The following STK3 variants were observed in gnomAD, a reference collection of about 807,000 sequenced individuals.
STK3 encodes serine/threonine-protein kinase 3.
Under a neutral mutation model 58.0 loss-of-function variants are expected in STK3, and 41 were observed. The observed-to-expected ratio is 0.71, with a 90% CI of 0.55 to 0.92. The LOEUF (loss-of-function observed/expected upper bound fraction) is 0.92, where lower values mean the gene tolerates loss of function less well. Among genes scored for constraint, STK3 ranks in the 40% least tolerant of loss-of-function variants. The pLI is 0.00. For missense variants in STK3, 479 were observed against 602.7 expected, an observed-to-expected ratio of 0.79 and a Z score of 2.15; for synonymous variants, 170 against 191.0, an observed-to-expected ratio of 0.89 and a Z score of 0.91.
intron 6 of STK3, among the ~76,000 whole-genome samples, chr8:98,652,356 G>A (rs74493055): frequency 0.032 from 4,837 of 152,154 alleles, 100 homozygotes; most frequent in South Asian, 0.061. Context: ...AGGAACAACC[G>A]GTACCAGCCA....
At chr8:98,447,979 A>C (rs973927565) in intron 1 of STK3, among the ~76,000 whole-genome samples, 2 of 148,192 alleles carry the variant, frequency 1.3e-5, no homozygotes, top group South Asian at 4.3e-4. Context: ...TAATAATAAT[A>C]ATAATAAAGC....
At chr8:98,721,426 A>G (rs1006625001) in intron 4 of STK3, among the ~76,000 whole-genome samples, 2 of 152,166 alleles carry the variant, frequency 1.3e-5, no homozygotes, top group African/African-American at 2.4e-5. Flanking sequence ...GCTACCCAGC[A>G]GACTGAGGTG....
intron 8 of STK3, among the ~76,000 whole-genome samples, chr8:98,571,961 T>A (rs1471587626): frequency 6.6e-6 from 1 of 152,216 alleles, no homozygotes; most frequent in Non-Finnish European, 1.5e-5. Flanking sequence ...AGCATGTCAA[T>A]GCTACATTCT....
the STK3 span, among the ~76,000 whole-genome samples, chr8:98,359,257 C>A: frequency 2.0e-5 from 3 of 148,212 alleles, no homozygotes; most frequent in Non-Finnish European, 3.0e-5. Flanking sequence ...CCTGTAATCC[C>A]AACATTTTCG....
the STK3 span, among the ~76,000 whole-genome samples, chr8:98,347,149 G>C: frequency 3.3e-5 from 5 of 151,794 alleles, no homozygotes; most frequent in Admixed American, 2.6e-4. Context: ...CCCTATAGCA[G>C]CCACTAAATA....
chr8:98,603,846 C>A (rs1816560290), intron 6 of STK3, among the ~76,000 whole-genome samples: 1 of 152,030 alleles, frequency 6.6e-6, no homozygotes, highest in Admixed American at 6.5e-5. Flanking sequence ...ATGAATAATG[C>A]CCCCACCCCG....
chr8:98,417,879 T>G (rs1818132035), intron 3 of STK3, among the ~76,000 whole-genome samples: 1 of 152,188 alleles, frequency 6.6e-6, no homozygotes, highest in Admixed American at 6.5e-5. Flanking sequence ...CGCCTCGCTG[T>G]TCAAGTAGTG....
chr8:98,871,559 G>A (rs534164467), intron 3 of STK3, among the ~76,000 whole-genome samples: 23 of 152,168 alleles, frequency 1.5e-4, no homozygotes, highest in Middle Eastern at 3.4e-3. Context: ...GGTCCTTCAT[G>A]TCCCTTGTAA....
At chr8:98,619,794 A>G (rs1304848475) in intron 6 of STK3, among the ~76,000 whole-genome samples, 4 of 141,024 alleles carry the variant, frequency 2.8e-5, no homozygotes, top group Admixed American at 7.1e-5. Flanking sequence ...TAGAATGGCA[A>G]TCATTAAAAA....
chr8:98,573,114 C>T (rs1813095257), intron 8 of STK3, among the ~76,000 whole-genome samples: 1 of 152,030 alleles, frequency 6.6e-6, no homozygotes, highest in African/African-American at 2.4e-5. Context: ...CCTGAAGAGT[C>T]ATTAAAAAAC....
chr8:98,712,705 G>T (rs1826589133), intron 4 of STK3, among the ~76,000 whole-genome samples: 1 of 152,020 alleles, frequency 6.6e-6, no homozygotes, highest in South Asian at 2.1e-4. Context: ...ACACCCCACT[G>T]TCAACATTAG....
At chr8:98,452,989 G>C (rs1193388187), downstream of STK3, among the ~76,000 whole-genome samples, 2 of 112,406 alleles carry the variant, frequency 1.8e-5, no homozygotes, top group Non-Finnish European at 3.7e-5. Context: ...TTGAACTCTT[G>C]ACCTCAAGTG....
intron 1 of STK3, among the ~76,000 whole-genome samples, chr8:98,387,863 G>T (rs1817808215): frequency 6.9e-6 from 1 of 145,380 alleles, no homozygotes; most frequent in Non-Finnish European, 1.5e-5. Context: ...AGAGCTCTTT[G>T]TAAAATGCCC....
At chr8:98,658,658 A>G (rs866354976) in intron 6 of STK3, among the ~76,000 whole-genome samples, 2 of 151,776 alleles carry the variant, frequency 1.3e-5, no homozygotes, top group South Asian at 2.1e-4. Flanking sequence ...ATCACCCCCT[A>G]TTGAACTGCT....
At position 98,670,275 on chromosome 8, in the gene STK3, G is replaced by A. The variant is rs576714064; in HGVS notation, c.684+36192C>T. Reference sequence around the variant, plus strand: ...TACCAGCTACTCCAGAGGCTGAGGCGAGCAGGTGCCCAGGCTCGAGGGGTT... The same window carrying A: ...TACCAGCTACTCCAGAGGCTGAGGCAAGCAGGTGCCCAGGCTCGAGGGGTT... On this transcript the variant is annotated intron_variant, in intron 6 of 10. Transcript: ENST00000419617. Among the ~76,000 whole-genome samples the A allele has an allele frequency of 3.5e-4, 53 of 152,032 alleles. 1 individual carries two copies. Among genetic ancestry groups the A allele is most frequent in the Middle Eastern group, 3.4e-3 (1 of 292 alleles).
At chr8:98,749,247 T>C (rs779396340) in intron 4 of STK3, 29 bp downstream of exon 4, 3 of 1,463,874 alleles carry the variant, frequency 2.0e-6, no homozygotes, top group Non-Finnish European at 2.8e-6. Flanking sequence ...TTAGAAATGA[T>C]ATTAGCAAAA....
chr8:98,404,597 G>A (rs370522751), intron 3 of STK3, among the ~76,000 whole-genome samples: 2 of 149,648 alleles, frequency 1.3e-5, no homozygotes, highest in South Asian at 2.1e-4. Flanking sequence ...GGAGAATGGC[G>A]TGAACCCGGG....
chr8:98,761,515 A>G (rs1830613829), intron 3 of STK3, among the ~76,000 whole-genome samples: 1 of 152,234 alleles, frequency 6.6e-6, no homozygotes, highest in African/African-American at 2.4e-5. Flanking sequence ...AAGTCTTCCT[A>G]ATATGAGCAT....
intron 9 of STK3, among the ~76,000 whole-genome samples, chr8:98,545,414 ACAGG>A (rs1252501954): frequency 7.2e-5 from 11 of 152,188 alleles, no homozygotes; most frequent in Non-Finnish European, 4.4e-5. Flanking sequence ...ATTGCTAAAA[ACAGG>A]TTTAGAAAGT....
Sources: gnomAD v4.1 joint callset for allele counts (sites outside exome capture counted in the v4.1 genomes callset) on GRCh38, gnomAD v4.1.1 for gene constraint, MANE v1.5 for transcripts, NCBI Gene and HGNC (gene_info 2026-07-23, HGNC 2026-07-21) for gene names.